The following RUFY1 variants were observed in gnomAD, a reference collection of about 807,000 sequenced individuals.
The protein encoded by RUFY1 is RUN and FYVE domain containing 1, also known as RUN and FYVE domain-containing protein 1.
Under a neutral mutation model 94.6 loss-of-function variants are expected in RUFY1, and 54 were observed. The observed-to-expected ratio is 0.57, with a 90% confidence interval of 0.46 to 0.72. RUFY1 has a LOEUF of 0.72. Ranked by LOEUF, RUFY1 falls within the 30% of genes least tolerant of loss-of-function variation. RUFY1 has a pLI of 0.00. For missense variants in RUFY1, 883 were observed against 883.9 expected, an observed-to-expected ratio of 1.00 and a Z score of 0.01; for synonymous variants, 396 against 347.3, an observed-to-expected ratio of 1.14 and a Z score of -1.56.
intron 1 of RUFY1, among the ~76,000 whole-genome samples, chr5:179,555,196 G>A (rs1327616454): frequency 6.6e-6 from 1 of 151,416 alleles, no homozygotes; most frequent in Non-Finnish European, 1.5e-5. Flanking sequence ...CATGCTGGCG[G>A]GGTGCAGGTG....
chr5:179,581,517 A>C (rs1194658673), intron 7 of RUFY1, among the ~76,000 whole-genome samples: 2 of 143,942 alleles, frequency 1.4e-5, no homozygotes. Context: ...ATTTGTGGGG[A>C]ATGTGGAGAG....
In RUFY1 at chr5:179,560,120, C is replaced by T. The variant is rs1240254359; in HGVS notation, c.406C>T (p.Arg136Cys). 1 of 1,614,024 alleles carries T rather than the reference C, an allele frequency of 6.2e-7. No individual in the cohort carries two copies. The highest frequency in any genetic ancestry group is 1.7e-5 in the Admixed American group (1 of 59,988). The change falls in exon 2 of 18, where the codon CGC (arginine) becomes TGC (cysteine). Residue 136 changes from arginine (R) to cysteine (C), a missense_variant. Physicochemically the swap from Arg to Cys is radical, Grantham distance 180. Transcript: ENST00000319449. Reference sequence around the variant, plus strand: ...GCTCCAGTCGGCTCTGAGCCTGGGCCGCAGCCTGGATGCGGACCATGCCCC... The same window carrying T: ...GCTCCAGTCGGCTCTGAGCCTGGGCTGCAGCCTGGATGCGGACCATGCCCC... ...VLLQSALSLGRSLDADHAPLQ... is the reference protein window; with the variant it reads ...VLLQSALSLGCSLDADHAPLQ...
intron 7 of RUFY1, among the ~76,000 whole-genome samples, chr5:179,581,598 T>C (rs1764167735): frequency 6.6e-6 from 1 of 151,790 alleles, no homozygotes; most frequent in South Asian, 2.1e-4. Flanking sequence ...AGTGGCCACC[T>C]CTCCGGCCCC....
intron 1 of RUFY1, among the ~76,000 whole-genome samples, chr5:179,551,602 C>T (rs1282291420): frequency 1.1e-4 from 16 of 151,366 alleles, no homozygotes; most frequent in Non-Finnish European, 2.2e-4. Context: ...AGCGATCCTC[C>T]CTCCCGCCTC....
At chr5:179,595,296 G>A (rs1179180862) in intron 12 of RUFY1, among the ~76,000 whole-genome samples, 2 of 152,074 alleles carry the variant, frequency 1.3e-5, no homozygotes, top group African/African-American at 2.4e-5. Context: ...CGGCTAAAAC[G>A]GTGAAACCCC....
At chr5:179,607,384 G>A in intron 16 of RUFY1, 198 bp from the exon 17 acceptor site, 1 of 594,460 alleles carries the variant, frequency 1.7e-6, no homozygotes, top group Non-Finnish European at 3.0e-6. Context: ...CACGGAGCTA[G>A]GATGCAGAAA....
At chr5:179,586,442 G>A (rs577414261) in intron 8 of RUFY1, 2 of 456,594 alleles carry the variant, frequency 4.4e-6, no homozygotes, top group East Asian at 7.0e-5. Context: ...GTTAGCAGGA[G>A]GGGGGTGCTC....
At chr5:179,575,973 G>A (rs1763582947) in intron 5 of RUFY1, among the ~76,000 whole-genome samples, 1 of 152,040 alleles carries the variant, frequency 6.6e-6, no homozygotes, top group Admixed American at 6.6e-5. Context: ...TGGACACAGG[G>A]TCTCACTGTG....
chr5:179,605,844 CT>C, intron 15 of RUFY1, 31 bp from the exon 16 acceptor site: 1 of 1,493,074 alleles, frequency 6.7e-7, no homozygotes, highest in Non-Finnish European at 9.3e-7. Context: ...CTCTCTCTCA[CT>C]GCTATGAAAT....
At chr5:179,605,796 G>T in intron 15 of RUFY1, 80 bp from the exon 16 acceptor site, 1 of 943,580 alleles carries the variant, frequency 1.1e-6, no homozygotes, top group Non-Finnish European at 1.7e-6. Context: ...CACAAAGCTA[G>T]TCCTGAGAGC....
At chr5:179,571,499 GTCT>G (rs1763220957) in intron 5 of RUFY1, among the ~76,000 whole-genome samples, 1 of 124,408 alleles carries the variant, frequency 8.0e-6, no homozygotes, top group African/African-American at 3.0e-5. Flanking sequence ...GCCAGACTCT[GTCT>G]GGAAAAAAAA....
intron 5 of RUFY1, among the ~76,000 whole-genome samples, chr5:179,573,523 T>C (rs181648356): frequency 2.2e-4 from 33 of 152,264 alleles, no homozygotes; most frequent in African/African-American, 7.7e-4. Context: ...GTTGTCGTTT[T>C]GTTTTTTTCT....
intron 14 of RUFY1, among the ~76,000 whole-genome samples, chr5:179,600,561 G>A (rs1766252106): frequency 6.6e-6 from 1 of 152,114 alleles, no homozygotes; most frequent in African/African-American, 2.4e-5. Flanking sequence ...CTGATGCAAG[G>A]TTCGTGTGAT....
chr5:179,580,381 T>C (rs963000118), intron 6 of RUFY1, among the ~76,000 whole-genome samples: 4 of 151,706 alleles, frequency 2.6e-5, no homozygotes, highest in Admixed American at 1.3e-4. Flanking sequence ...GAGCTGGGAC[T>C]ACAGGCGCCC....
chr5:179,586,711 G>C (rs1764633037), intron 8 of RUFY1, among the ~76,000 whole-genome samples: 1 of 152,120 alleles, frequency 6.6e-6, no homozygotes, highest in South Asian at 2.1e-4. Context: ...TGAGTAGAAG[G>C]AAATTCAAGA....
intron 9 of RUFY1, among the ~76,000 whole-genome samples, chr5:179,589,936 G>A (rs1039666556): frequency 4.6e-5 from 7 of 152,158 alleles, no homozygotes; most frequent in East Asian, 1.9e-4. Flanking sequence ...CCCAGGAGCC[G>A]TGGGCGGGCC....
intron 3 of RUFY1, among the ~76,000 whole-genome samples, chr5:179,564,698 T>A (rs1762702348): frequency 6.6e-6 from 1 of 151,920 alleles, no homozygotes; most frequent in African/African-American, 2.4e-5. Context: ...AAAAAAATCA[T>A]CTGCACTTTG....
intron 13 of RUFY1, 76 bp from the exon 14 acceptor site, chr5:179,598,616 G>A: frequency 1.3e-6 from 2 of 1,550,886 alleles, no homozygotes; most frequent in Non-Finnish European, 1.8e-6. Flanking sequence ...CCTGTTTCCT[G>A]GGCGGTGAAT....
intron 3 of RUFY1, among the ~76,000 whole-genome samples, chr5:179,564,876 C>T (rs1762714760): frequency 6.6e-6 from 1 of 151,908 alleles, no homozygotes; most frequent in Admixed American, 6.6e-5. Context: ...TAATGACACA[C>T]TAAAGCTATA....
Sources: allele counts gnomAD v4.1 joint callset (sites outside exome capture counted in the v4.1 genomes callset), GRCh38; gene constraint gnomAD v4.1.1; transcripts MANE v1.5; gene names NCBI Gene and HGNC (gene_info 2026-07-23, HGNC 2026-07-21).